Variants in CAMTA1 observed in about 807,000 individuals in gnomAD.
CAMTA1 encodes the protein calmodulin-binding transcription activator 1.
In CAMTA1, 27 loss-of-function variants were observed where a neutral mutation model predicts 170.9. That is an observed-to-expected ratio of 0.16 (90% CI 0.12 to 0.22). The LOEUF is 0.22. Among genes scored for constraint, CAMTA1 ranks in the 10% least tolerant of loss-of-function variants. The pLI, the probability that CAMTA1 is intolerant of heterozygous loss-of-function variation, is 1.00. For synonymous variants in CAMTA1, 833 were observed against 891.5 expected (o/e 0.93, Z 1.17); for missense variants, 1,619 against 2,217.2 (o/e 0.73, Z 5.42).
intron 19 of CAMTA1, chr1:7,750,960 T>C: frequency 1.5e-6 from 1 of 657,400 alleles, no homozygotes; most frequent in East Asian, 2.9e-5. Flanking sequence ...GCAAGATATT[T>C]TGATATTTTA....
chr1:7,222,422 C>A (rs1263384947), intron 4 of CAMTA1, among the ~76,000 whole-genome samples: 1 of 152,130 alleles, frequency 6.6e-6, no homozygotes, highest in Non-Finnish European at 1.5e-5. Flanking sequence ...CTGCCCTCCT[C>A]TTTCTCCCTT....
At chr1:6,917,541 C>A (rs1158050554) in intron 3 of CAMTA1, among the ~76,000 whole-genome samples, 1 of 150,302 alleles carries the variant, frequency 6.7e-6, no homozygotes, top group Non-Finnish European at 1.5e-5. Flanking sequence ...TAGGACTTGG[C>A]CATCGATCAG....
At chr1:7,577,610 G>A (rs1006023283) in intron 6 of CAMTA1, among the ~76,000 whole-genome samples, 6 of 151,866 alleles carry the variant, frequency 4.0e-5, no homozygotes, top group African/African-American at 7.3e-5. Context: ...AAACGCTCCC[G>A]GTGGTGTAAA....
At chr1:7,199,248 G>A (rs946527882) in intron 4 of CAMTA1, among the ~76,000 whole-genome samples, 9 of 152,200 alleles carry the variant, frequency 5.9e-5, no homozygotes. Flanking sequence ...ATCCTGCCTG[G>A]AGAAGCCTCC....
chr1:7,298,925 C>T (rs1213709379), intron 5 of CAMTA1, among the ~76,000 whole-genome samples: 8 of 152,126 alleles, frequency 5.3e-5, no homozygotes, highest in South Asian at 2.1e-4. Context: ...CTTCCCTTGC[C>T]GACCAGACCC....
At chr1:7,669,172 C>T (rs78574690) in intron 9 of CAMTA1, among the ~76,000 whole-genome samples, 2,253 of 152,338 alleles carry the variant, frequency 0.015, 57 homozygotes, top group African/African-American at 0.05. Flanking sequence ...TTTTGTTTCT[C>T]GGTCCTGAGC....
In CAMTA1 at chr1:7,164,497, C is replaced by T. The variant is rs561040794; in HGVS notation, c.302+73126C>T. On this transcript the variant is annotated intron_variant, in intron 4 of 22. Coordinates refer to ENST00000303635, the MANE Select transcript of CAMTA1 (RefSeq NM_015215.4). Reference sequence around the variant, plus strand: ...GGCTGGCACCCCTCACTCCACTTGGCGCTTTATTCCAAAGCTGTGGCACCC... The same window carrying T: ...GGCTGGCACCCCTCACTCCACTTGGTGCTTTATTCCAAAGCTGTGGCACCC... Among the ~76,000 whole-genome samples, 83 of 152,330 alleles carry T rather than the reference C, an allele frequency of 5.4e-4. 1 individual carries two copies. The highest frequency in any genetic ancestry group is 1.9e-3 in the African/African-American group (77 of 41,582).
chr1:7,132,552 G>A (rs1339938482), intron 4 of CAMTA1, among the ~76,000 whole-genome samples: 2 of 152,108 alleles, frequency 1.3e-5, no homozygotes, highest in Non-Finnish European at 2.9e-5. Context: ...AGAACAAAGA[G>A]GTTCTCTGTG....
chr1:7,306,035 A>G (rs1018094684), intron 5 of CAMTA1, among the ~76,000 whole-genome samples: 2 of 152,034 alleles, frequency 1.3e-5, no homozygotes, highest in Non-Finnish European at 2.9e-5. Flanking sequence ...TGAGTCAGAT[A>G]TGTGATTTGC....
intron 5 of CAMTA1, among the ~76,000 whole-genome samples, chr1:7,449,769 CAAAAAAA>C (rs59913060): frequency 2.3e-4 from 18 of 79,610 alleles, no homozygotes. Flanking sequence ...GACTCGGTCT[CAAAAAAA>C]AAAAAAAAAA....
At position 6,820,820 on chromosome 1, in the gene CAMTA1, A is replaced by T. The variant is rs571544181; in HGVS notation, c.115+570A>T. ...CTAATAAATAATGGAAAATAGATTT[A>T]CTTAATCACATGTACCTCCAGTTGG... On this transcript the variant is annotated intron_variant, in intron 2 of 22. Coordinates refer to ENST00000303635, the MANE Select transcript of CAMTA1 (RefSeq NM_015215.4). Among the ~76,000 whole-genome samples, 25 of 152,372 alleles carry T rather than the reference A, an allele frequency of 1.6e-4. No homozygotes were observed. The East Asian group carries it at 4.6e-3, about 28-fold the overall frequency.
intron 3 of CAMTA1, among the ~76,000 whole-genome samples, chr1:6,868,958 A>T (rs928173536): frequency 6.6e-6 from 1 of 152,188 alleles, no homozygotes. Flanking sequence ...TGTCTAATTC[A>T]CTTACTAGTT....
chr1:6,889,875 A>T (rs1211333713), intron 3 of CAMTA1, among the ~76,000 whole-genome samples: 1 of 152,076 alleles, frequency 6.6e-6, no homozygotes, highest in Admixed American at 6.5e-5. Context: ...TGTTTTTAGT[A>T]TTTTCTGCTG....
intron 6 of CAMTA1, 127 bp from the exon 7 acceptor site, chr1:7,640,273 G>A (rs927900718): frequency 2.1e-5 from 21 of 991,958 alleles, no homozygotes; most frequent in Non-Finnish European, 2.3e-5. Context: ...ACCGTCAGCA[G>A]TGTGAGGTCA....
chr1:7,398,160 T>C (rs539531288), intron 5 of CAMTA1, among the ~76,000 whole-genome samples: 156 of 25,356 alleles, frequency 6.2e-3, no homozygotes, highest in South Asian at 0.02. Flanking sequence ...TATTGCTCTC[T>C]CTCTCTCTCT....
intron 3 of CAMTA1, among the ~76,000 whole-genome samples, chr1:6,901,527 A>G (rs1446022639): frequency 1.3e-5 from 2 of 152,234 alleles, no homozygotes; most frequent in Non-Finnish European, 2.9e-5. Flanking sequence ...ACCTTTAAAA[A>G]CTTTAAAACA....
intron 5 of CAMTA1, among the ~76,000 whole-genome samples, chr1:7,281,034 A>C (rs533749717): frequency 6.6e-6 from 1 of 152,240 alleles, no homozygotes; most frequent in East Asian, 1.9e-4. Flanking sequence ...TAATTATTCC[A>C]TTGATGAACT....
chr1:7,732,535 A>G lies in CAMTA1; in HGVS notation c.3002A>G (p.Gln1001Arg). The G allele has an allele frequency of 6.2e-7, 1 of 1,613,614 alleles. No homozygotes were observed. The highest frequency in any genetic ancestry group is 8.5e-7 in the Non-Finnish European group (1 of 1,179,954). ...AEMTGSQQHK[Q>R]ASGGGSSGGG... ...ATGACGGGGTCCCAGCAGCACAAAC[A>G]GGCGAGCGGAGGCGGCAGCAGTGGA... is the stretch of plus-strand genomic sequence containing the variant. Residue 1001 changes from glutamine (Q) to arginine (R), a missense_variant, in exon 12 of 23, where the codon CAG becomes CGG. Gln to Arg is a conservative substitution (Grantham distance 43). Coordinates refer to ENST00000303635, the MANE Select transcript of CAMTA1 (RefSeq NM_015215.4). This position sits in a 1 kb window ranked among gnomAD's most constrained non-coding sequence, Gnocchi z 4.1.
rs974515934 is a variant in CAMTA1, at chr1:7,463,269, G to A, written c.439-4561G>A. Among the ~76,000 whole-genome samples the A allele has an allele frequency of 6.6e-6, 1 of 152,162 alleles. No individual in the cohort carries two copies. The highest frequency in any genetic ancestry group is 6.5e-5 in the Admixed American group (1 of 15,276). ...TCCCCCAGGCAGGGCATGGGAGGTG[G>A]AAGGAAAGGGATGGAGGGTGTGTGT... On this transcript the variant is annotated intron_variant, in intron 5 of 22. Coordinates refer to ENST00000303635, the MANE Select transcript of CAMTA1 (RefSeq NM_015215.4). This position sits in a 1 kb window ranked among gnomAD's most constrained non-coding sequence, Gnocchi z 4.7.
Sources: allele counts gnomAD v4.1 joint callset (sites outside exome capture counted in the v4.1 genomes callset), GRCh38; gene constraint gnomAD v4.1.1; non-coding constraint Gnocchi (gnomAD v3.1); transcripts MANE v1.5; gene names NCBI Gene and HGNC (gene_info 2026-07-23, HGNC 2026-07-21).